DYM: variants seen among roughly 807,000 people sequenced by gnomAD.
The protein encoded by DYM is dymeclin, also known as dyggve-Melchior-Clausen syndrome protein.
A neutral mutation model predicts 93.1 loss-of-function variants in DYM; 78 were observed. The ratio of observed to expected loss-of-function variants is 0.84; its 90% CI spans 0.70 to 1.01. The LOEUF (loss-of-function observed/expected upper bound fraction) is 1.01, where lower values mean the gene tolerates loss of function less well. Ranked by LOEUF, DYM falls within the 50% of genes least tolerant of loss-of-function variation. DYM has a pLI of 0.00. For synonymous variants in DYM, 321 were observed against 319.7 expected (o/e 1.00, Z -0.04); for missense variants, 789 against 845.0 (o/e 0.93, Z 0.82).
At chr18:49,400,743 A>G (rs1477524197) in intron 2 of DYM, among the ~76,000 whole-genome samples, 1 of 152,114 alleles carries the variant, frequency 6.6e-6, no homozygotes, top group Non-Finnish European at 1.5e-5. Context: ...TCATCCTTCC[A>G]TCCCTCAATT....
intron 8 of DYM, among the ~76,000 whole-genome samples, chr18:49,305,797 T>G (rs201479222): frequency 1.3e-5 from 1 of 78,582 alleles, no homozygotes; most frequent in African/African-American, 5.6e-5. Context: ...CTGCCTATAC[T>G]CTGACTTCCT....
intron 14 of DYM, among the ~76,000 whole-genome samples, chr18:49,170,550 G>C (rs183768122): frequency 6.6e-6 from 1 of 152,056 alleles, no homozygotes; most frequent in African/African-American, 2.4e-5. Context: ...GGGAGGCTGA[G>C]GCGGGTGGAT....
chr18:49,289,404 TAAAAAAA>T (rs56240607), intron 8 of DYM, among the ~76,000 whole-genome samples: 5 of 33,522 alleles, frequency 1.5e-4, no homozygotes, highest in African/African-American at 3.7e-4. Context: ...TACAAATCAG[TAAAAAAA>T]AAAAAAAAAA....
chr18:49,301,005 A>G (rs932184140), intron 8 of DYM, among the ~76,000 whole-genome samples: 6 of 152,208 alleles, frequency 3.9e-5, no homozygotes, highest in Non-Finnish European at 7.3e-5. Flanking sequence ...AAAGTTAGCA[A>G]TAGTAAAGTC....
intron 17 of DYM, among the ~76,000 whole-genome samples, chr18:49,052,066 CTG>C (rs1383253092): frequency 6.6e-6 from 1 of 152,228 alleles, no homozygotes; most frequent in Non-Finnish European, 1.5e-5. Context: ...TAATCGCACT[CTG>C]TTTGTTATTT....
At chr18:49,129,339 A>C (rs142425058) in intron 15 of DYM, among the ~76,000 whole-genome samples, 4 of 151,994 alleles carry the variant, frequency 2.6e-5, no homozygotes, top group African/African-American at 9.7e-5. Flanking sequence ...ACAAAGAACG[A>C]CCCTCCTTAG....
intron 14 of DYM, among the ~76,000 whole-genome samples, chr18:49,166,908 C>T (rs2087943954): frequency 6.6e-6 from 1 of 151,812 alleles, no homozygotes; most frequent in African/African-American, 2.4e-5. Flanking sequence ...CAGCAGCATA[C>T]TTTGCTTAGT....
intron 6 of DYM, among the ~76,000 whole-genome samples, chr18:49,353,599 G>C (rs1915228257): frequency 6.6e-6 from 1 of 151,960 alleles, no homozygotes; most frequent in South Asian, 2.1e-4. Flanking sequence ...CAAGGGAAAA[G>C]GTGCAAGTAG....
At position 49,041,767 on chromosome 18, in the gene DYM, T is replaced by G. The variant is rs947217982; in HGVS notation, c.*2288A>C. 6.6e-6 allele frequency: 1 copy of G among 152,214 alleles called. No individual in the cohort carries two copies. The highest frequency in any genetic ancestry group is 1.5e-5 in the Non-Finnish European group (1 of 68,054). 9.4% of individuals were successfully genotyped at this position (152,214 alleles called of 1,614,324 possible). On this transcript the variant is annotated 3_prime_UTR_variant, in exon 18 of 18. Transcript: ENST00000675505. The stretch of plus-strand genomic sequence containing the variant: ...GAGCCCAGAGGCCTGGAGGAGAGGC[T>G]GTATGATTCCCCAGTCAGGCCTTCC...
intron 8 of DYM, among the ~76,000 whole-genome samples, chr18:49,322,179 T>C: frequency 6.6e-6 from 1 of 152,112 alleles, no homozygotes; most frequent in East Asian, 1.9e-4. Context: ...CCTTATAATT[T>C]GGCTTGGACA....
At chr18:49,099,019 T>C (rs1293927581) in intron 16 of DYM, among the ~76,000 whole-genome samples, 1 of 152,174 alleles carries the variant, frequency 6.6e-6, no homozygotes, top group Non-Finnish European at 1.5e-5. Context: ...GCCAATTTTG[T>C]TGGTAAAAAA....
chr18:49,063,426 A>C (rs929221140), intron 17 of DYM, among the ~76,000 whole-genome samples: 6 of 151,936 alleles, frequency 3.9e-5, no homozygotes, highest in Non-Finnish European at 7.4e-5. Flanking sequence ...ATATACATGA[A>C]AAACACTGTT....
chr18:49,375,161 C>T (rs958419294), intron 5 of DYM, among the ~76,000 whole-genome samples: 1 of 149,884 alleles, frequency 6.7e-6, no homozygotes, highest in Non-Finnish European at 1.5e-5. Context: ...ACACCTGGGG[C>T]TCTCACAGTT....
chr18:49,405,239 GTTAGT>G (rs1412504925), intron 2 of DYM, among the ~76,000 whole-genome samples: 9 of 152,050 alleles, frequency 5.9e-5, no homozygotes, highest in Admixed American at 2.6e-4. Flanking sequence ...GCAGATGCTC[GTTAGT>G]TTAAATAGAT....
At chr18:49,260,191 C>A (rs2094467648) in intron 11 of DYM, among the ~76,000 whole-genome samples, 1 of 152,144 alleles carries the variant, frequency 6.6e-6, no homozygotes, top group East Asian at 1.9e-4. Context: ...GAGTTCAAGA[C>A]CAGCCTGGCC....
chr18:49,168,687 AGT>A (rs2088238623), intron 14 of DYM, among the ~76,000 whole-genome samples: 2 of 152,184 alleles, frequency 1.3e-5, no homozygotes, highest in Admixed American at 6.6e-5. Flanking sequence ...AAGGAACTCA[AGT>A]CTACTGGGAT....
At position 49,059,293 on chromosome 18, in the gene DYM, C is replaced by T. The variant is rs189652224; in HGVS notation, c.2026-15089G>A. 8.5e-5 allele frequency among the ~76,000 whole-genome samples: 13 copies of T among 152,316 alleles called. No individual in the cohort carries two copies. The East Asian group carries it at 2.5e-3, about 29-fold the overall frequency. ...GCTGGTGCTTTGATCTTAGACTTCTCAGCCTCCAGGACAGTGAAAAGTAAG... is the reference window on the plus strand; with the variant it reads ...GCTGGTGCTTTGATCTTAGACTTCTTAGCCTCCAGGACAGTGAAAAGTAAG... On this transcript the variant is annotated intron_variant, in intron 17 of 17. Coordinates refer to ENST00000675505, the MANE Select transcript of DYM (RefSeq NM_001353214.3).
intron 13 of DYM, among the ~76,000 whole-genome samples, chr18:49,245,494 T>C (rs2094143558): frequency 6.6e-6 from 1 of 152,172 alleles, no homozygotes; most frequent in Non-Finnish European, 1.5e-5. Flanking sequence ...GGAATGTCTG[T>C]CTTATGCCGT....
intron 13 of DYM, among the ~76,000 whole-genome samples, chr18:49,211,702 A>T (rs1425102518): frequency 1.3e-5 from 2 of 152,206 alleles, no homozygotes; most frequent in African/African-American, 4.8e-5. Context: ...GTGGGGAATG[A>T]TGTACACACA....
Sources: gnomAD v4.1 joint callset for allele counts (sites outside exome capture counted in the v4.1 genomes callset) on GRCh38, gnomAD v4.1.1 for gene constraint, MANE v1.5 for transcripts, NCBI Gene and HGNC (gene_info 2026-07-23, HGNC 2026-07-21) for gene names.